The following TASOR variants were observed in gnomAD, a reference collection of about 807,000 sequenced individuals.
The protein encoded by TASOR is protein TASOR.
TASOR carries 53 observed loss-of-function variants against 178.6 expected under a neutral mutation model. The observed-to-expected ratio is 0.30, with a 90% CI of 0.24 to 0.37. The LOEUF is 0.37. Among genes scored for constraint, TASOR ranks in the 10% least tolerant of loss-of-function variants. The pLI is 1.00. For synonymous variants in TASOR, 713 were observed against 696.2 expected (o/e 1.02, Z -0.38); for missense variants, 1,815 against 1,971.4 (o/e 0.92, Z 1.50).
At chr3:56,666,221 T>G (rs1437481690) in intron 7 of TASOR, 39 bp downstream of exon 7, 1 of 1,479,132 alleles carries the variant, frequency 6.8e-7, no homozygotes, top group Non-Finnish European at 9.0e-7. Context: ...TGTAGTAGAA[T>G]TATCACTGCG....
At position 56,633,392 on chromosome 3, in the gene TASOR, G is replaced by C. The variant is rs1338896967; in HGVS notation, c.3399C>G (p.Leu1133=). The C allele has an allele frequency of 6.2e-7, 1 of 1,614,160 alleles. No homozygotes were observed. Among genetic ancestry groups the C allele is most frequent in the African/African-American group, 1.3e-5 (1 of 75,040 alleles). The change falls in exon 18 of 24, where the codon CTC becomes CTG. Residue 1133 remains leucine (L), a synonymous_variant. Transcript: ENST00000683822. Reference sequence around the variant, plus strand: ...AAGGATCACTACACAGTGGCTCAAGGAGATGTTTATTGTTGAAGTCACTTG... The same window carrying C: ...AAGGATCACTACACAGTGGCTCAAGCAGATGTTTATTGTTGAAGTCACTTG... ...VSSSDFNNKH[L]LEPLCSDPLK...
chr3:56,632,555 A>T lies in TASOR; in HGVS notation c.3747+489T>A, dbSNP rs374172661. Among the ~76,000 whole-genome samples the T allele has an allele frequency of 5.9e-5, 9 of 152,334 alleles. No individual in the cohort carries two copies. The East Asian group carries it at 1.7e-3, about 29-fold the overall frequency. On this transcript the variant is annotated intron_variant, in intron 18 of 23. Transcript: ENST00000683822. ...GGTATGTGCATAAATGACACTATAA[A>T]ACAAGATTCTAAATTCTAACATAGA...
chr3:56,649,920 A>T (rs1164768062), intron 11 of TASOR, among the ~76,000 whole-genome samples: 1 of 152,208 alleles, frequency 6.6e-6, no homozygotes, highest in East Asian at 1.9e-4. Context: ...AATGTATAAG[A>T]CAAGTCGGGA....
In TASOR at chr3:56,620,689, C is replaced by A. The variant is rs2076350098; in HGVS notation, c.*2348G>T. ...ACTAAGAGTTTTACATAAGTTATTT[C>A]TTTAGAGTGACGAAGTGTTAGTTTA... On this transcript the variant is annotated 3_prime_UTR_variant, in exon 24 of 24. Coordinates refer to ENST00000683822, the MANE Select transcript of TASOR (RefSeq NM_001365635.2). The A allele has an allele frequency of 6.6e-6, 1 of 152,140 alleles. No individual in the cohort carries two copies. Among genetic ancestry groups the A allele is most frequent in the Admixed American group, 6.5e-5 (1 of 15,272 alleles). 9.4% of individuals were successfully genotyped at this position (152,140 alleles called of 1,614,324 possible). A position where few individuals can be genotyped will look rare whatever the true frequency, so the allele number is the denominator to read the frequency against.
intron 18 of TASOR, among the ~76,000 whole-genome samples, chr3:56,630,658 A>C (rs999205674): frequency 1.1e-4 from 16 of 152,134 alleles, no homozygotes; most frequent in African/African-American, 3.9e-4. Context: ...AGCCTGGCCA[A>C]CATGGTGAAA....
In TASOR at chr3:56,673,048, C is replaced by T. The variant is rs529250966; in HGVS notation, c.477+532G>A. ...CTGGTCTCAAACCCCTGGCCTCAAGCGACCCGTCCACCTCGGCCTCCCAAA... is the reference window on the plus strand; with the variant it reads ...CTGGTCTCAAACCCCTGGCCTCAAGTGACCCGTCCACCTCGGCCTCCCAAA... On this transcript the variant is annotated intron_variant, in intron 2 of 23. Coordinates refer to ENST00000683822, the MANE Select transcript of TASOR (RefSeq NM_001365635.2). 3.9e-5 allele frequency among the ~76,000 whole-genome samples: 6 copies of T among 152,222 alleles called. 1 individual carries two copies. In the South Asian group the frequency reaches 8.3e-4, roughly 21 times the overall value.
chr3:56,624,435 T>C, intron 23 of TASOR, 44 bp downstream of exon 23: 1 of 1,592,410 alleles, frequency 6.3e-7, no homozygotes, highest in Non-Finnish European at 8.6e-7. Context: ...CCATTCCTCT[T>C]TTTCTGTCTG....
intron 20 of TASOR, 42 bp from the exon 21 acceptor site, chr3:56,627,187 T>G (rs1246776146): frequency 8.7e-7 from 1 of 1,147,868 alleles, no homozygotes; most frequent in Non-Finnish European, 1.3e-6. Flanking sequence ...CAATAAATAA[T>G]CATTCCATAA....
intron 17 of TASOR, among the ~76,000 whole-genome samples, chr3:56,637,062 A>AT (rs2077032279): frequency 6.6e-6 from 1 of 152,316 alleles, no homozygotes; most frequent in African/African-American, 2.4e-5. Context: ...ATATTGCATG[A>AT]AAGTACCAAA....
chr3:56,653,579 G>A (rs1461354509), intron 11 of TASOR, among the ~76,000 whole-genome samples: 1 of 152,076 alleles, frequency 6.6e-6, no homozygotes, highest in Non-Finnish European at 1.5e-5. Flanking sequence ...CAAAGTGCAA[G>A]AAAATAGCTG....
chr3:56,664,504 T>C (rs1280083867), intron 7 of TASOR, among the ~76,000 whole-genome samples: 1 of 152,164 alleles, frequency 6.6e-6, no homozygotes, highest in Non-Finnish European at 1.5e-5. Flanking sequence ...CTATAGATGG[T>C]TTCCAAGGAT....
chr3:56,656,596 C>A (rs1164164141), intron 11 of TASOR, among the ~76,000 whole-genome samples: 1 of 151,096 alleles, frequency 6.6e-6, no homozygotes, highest in Non-Finnish European at 1.5e-5. Context: ...GTCCCCCGCC[C>A]CCCCCCAAAA....
chr3:56,663,898 TATATAA>T (rs1255661180), intron 7 of TASOR: 1 of 970,282 alleles, frequency 1.0e-6, no homozygotes, highest in Admixed American at 6.1e-5. Flanking sequence ...ACAGCCTCAA[TATATAA>T]ATATATTAAT....
chr3:56,649,265 A>T (rs996110603), intron 11 of TASOR, among the ~76,000 whole-genome samples: 1 of 152,202 alleles, frequency 6.6e-6, no homozygotes, highest in African/African-American at 2.4e-5. Flanking sequence ...GGTTTTCATA[A>T]CATTAATGAG....
At chr3:56,663,438 T>C (rs764322140) in intron 8 of TASOR, 103 bp downstream of exon 8, 3 of 669,046 alleles carry the variant, frequency 4.5e-6, no homozygotes, top group South Asian at 3.0e-5. Context: ...TTTCATACTT[T>C]GCAGATTTTC....
intron 21 of TASOR, 95 bp downstream of exon 21, chr3:56,626,942 T>A (rs1578184771): frequency 2.7e-6 from 2 of 730,256 alleles, no homozygotes. Flanking sequence ...CTGTGAAAAA[T>A]GAACATCCAT....
At chr3:56,638,283 T>C (rs373128388) in intron 17 of TASOR, among the ~76,000 whole-genome samples, 2 of 152,048 alleles carry the variant, frequency 1.3e-5, no homozygotes, top group Non-Finnish European at 2.9e-5. Context: ...GTGAATTGCT[T>C]GAACCTCGGG....
chr3:56,628,590 T>C lies in TASOR; in HGVS notation c.3772A>G (p.Thr1258Ala). The C allele has an allele frequency of 6.4e-7, 1 of 1,572,370 alleles. No homozygotes were observed. Among genetic ancestry groups the C allele is most frequent in the Non-Finnish European group, 8.7e-7 (1 of 1,148,232 alleles). ...IKEYLIKLGN[T>A]ECHPEQFLER... ...AAAAACTGTTCAGGATGACATTCTG[T>C]ATTGCCTAATTTGATAAGATATTCC... Residue 1258 changes from threonine to alanine, a missense_variant, in exon 19 of 24, where the codon ACA (threonine) becomes GCA (alanine). This residue lies in a region of TASOR where 655 missense variants were observed against 671.1 expected (regional missense o/e 0.98). Coordinates refer to ENST00000683822, the MANE Select transcript of TASOR (RefSeq NM_001365635.2).
Position 56,641,675 on chromosome 3 carries a change from T to A in TASOR, c.2293A>T (p.Ile765Phe), listed in dbSNP as rs753293395. The A allele has an allele frequency of 3.3e-5, 53 of 1,614,100 alleles. 1 individual carries two copies. The East Asian group carries it at 9.1e-4, about 28-fold the overall frequency. The change falls in exon 15 of 24, where the codon ATT becomes TTT. Residue 765 changes from isoleucine to phenylalanine, a missense_variant. By Grantham distance (21) the Ile-to-Phe change is conservative. Around this residue, in one of 5 missense-constraint regions of TASOR, gnomAD observed 655 missense variants for 671.1 expected, o/e 0.98. Coordinates refer to ENST00000683822, the MANE Select transcript of TASOR (RefSeq NM_001365635.2). The part of the protein sequence containing the change: ...RQQQDTCNSG[I>F]ADIHRLFNWL... ...TTAAACAGCCTATGGATGTCAGCAA[T>A]GCCGGAGTTACAGGTATCCTGCTGC...
Sources: allele counts gnomAD v4.1 joint callset (sites outside exome capture counted in the v4.1 genomes callset), GRCh38; gene constraint gnomAD v4.1.1; regional missense constraint gnomAD v4.1.1; transcripts MANE v1.5; gene names NCBI Gene and HGNC (gene_info 2026-07-23, HGNC 2026-07-21).